Variants in TAFA2 observed in about 807,000 individuals in gnomAD.
TAFA2 encodes the protein TAFA chemokine like family member 2, also known as chemokine-like protein TAFA-2.
TAFA2 carries 7 observed loss-of-function variants against 18.8 expected under a neutral mutation model. The observed-to-expected ratio is 0.37, with a 90% CI of 0.21 to 0.70. The LOEUF is 0.70. TAFA2 is among the 30% of genes least tolerant of loss of function. The pLI is 0.53. For missense variants in TAFA2, 122 were observed against 158.1 expected (o/e 0.77, Z 1.23); for synonymous variants, 60 against 54.2 (o/e 1.11, Z -0.47).
At chr12:62,161,361 A>G (rs2062405727) in intron 1 of TAFA2, among the ~76,000 whole-genome samples, 1 of 152,228 alleles carries the variant, frequency 6.6e-6, no homozygotes, top group Admixed American at 6.5e-5. Flanking sequence ...ATAATGGAAT[A>G]CTATTCAGCC....
At chr12:62,033,257 T>C (rs1341783025) in intron 1 of TAFA2, among the ~76,000 whole-genome samples, 1 of 152,210 alleles carries the variant, frequency 6.6e-6, no homozygotes, top group Non-Finnish European at 1.5e-5. Context: ...TTATGGGGCT[T>C]TTTCATGAAC....
intron 2 of TAFA2, among the ~76,000 whole-genome samples, chr12:61,786,782 A>C (rs192657584): frequency 1.3e-5 from 2 of 151,594 alleles, no homozygotes; most frequent in Non-Finnish European, 3.0e-5. Flanking sequence ...TACGTGAAAG[A>C]GTATAATATT....
chr12:61,841,270 A>C (rs1289845630), intron 2 of TAFA2, among the ~76,000 whole-genome samples: 2 of 152,148 alleles, frequency 1.3e-5, no homozygotes, highest in Non-Finnish European at 2.9e-5. Context: ...AACAGTGAAA[A>C]TGGGACTTCT....
intron 1 of TAFA2, among the ~76,000 whole-genome samples, chr12:62,093,723 G>T (rs958621008): frequency 2.6e-5 from 4 of 151,990 alleles, no homozygotes; most frequent in African/African-American, 7.2e-5. Context: ...AGCCTACATT[G>T]CACTCTTTAT....
At chr12:61,984,652 A>T (rs1359244307) in intron 1 of TAFA2, among the ~76,000 whole-genome samples, 1 of 152,206 alleles carries the variant, frequency 6.6e-6, no homozygotes, top group Non-Finnish European at 1.5e-5. Flanking sequence ...TACATGGGAT[A>T]TTATTCAGAT....
upstream of TAFA2, among the ~76,000 whole-genome samples, chr12:62,196,176 T>C (rs779508325): frequency 2.7e-4 from 41 of 152,234 alleles, no homozygotes; most frequent in Non-Finnish European, 4.6e-4. Flanking sequence ...TCAGCCTTTA[T>C]AGAATTGAAG....
intron 2 of TAFA2, among the ~76,000 whole-genome samples, chr12:61,787,351 A>G (rs1023619935): frequency 2.6e-5 from 4 of 151,598 alleles, no homozygotes; most frequent in Admixed American, 1.3e-4. Context: ...AATTACTATC[A>G]TAAAAACATA....
intron 1 of TAFA2, among the ~76,000 whole-genome samples, chr12:62,030,544 C>T (rs1881429918): frequency 6.6e-6 from 1 of 152,136 alleles, no homozygotes; most frequent in African/African-American, 2.4e-5. Context: ...CTATTCTACT[C>T]CCAAGCCTAG....
At position 61,753,680 on chromosome 12, in the gene TAFA2, A is replaced by T; in HGVS notation, c.326T>A (p.Val109Asp). The T allele has an allele frequency of 6.2e-7, 1 of 1,612,736 alleles. No individual in the cohort carries two copies. Among genetic ancestry groups the T allele is most frequent in the Non-Finnish European group, 8.5e-7 (1 of 1,179,152 alleles). ...GCTCCATCCTTTCCGATCCGGAAGA[A>T]CTTTACATTCTTCTCCCTCTAGACA... Reference protein sequence around the residue: ...QPCLEGEECKVLPDRKGWSCS... With the variant: ...QPCLEGEECKDLPDRKGWSCS... Residue 109 changes from valine (V) to aspartate (D), a missense_variant, in exon 4 of 5, where the codon GTT becomes GAT. By Grantham distance (152) the Val-to-Asp change is radical. Coordinates refer to ENST00000416284, the MANE Select transcript of TAFA2 (RefSeq NM_178539.5).
chr12:62,037,628 C>T (rs973031444), intron 1 of TAFA2, among the ~76,000 whole-genome samples: 11 of 152,156 alleles, frequency 7.2e-5, no homozygotes, highest in Non-Finnish European at 1.3e-4. Context: ...GAATAAAACT[C>T]ATCGGAGATA....
chr12:62,047,210 G>C (rs75721557), intron 1 of TAFA2, among the ~76,000 whole-genome samples: 10,417 of 152,122 alleles, frequency 0.068, 461 homozygotes, highest in Non-Finnish European at 0.11. Context: ...AGATCTATGA[G>C]ACAGAAATAA....
chr12:61,763,416 G>T (rs1316061061), intron 2 of TAFA2, among the ~76,000 whole-genome samples: 2 of 151,914 alleles, frequency 1.3e-5, no homozygotes, highest in African/African-American at 4.8e-5. Context: ...AAAACAAAGG[G>T]AGATTCACTC....
intron 1 of TAFA2, among the ~76,000 whole-genome samples, chr12:61,990,939 A>G (rs1418419969): frequency 6.6e-6 from 1 of 152,234 alleles, no homozygotes; most frequent in Non-Finnish European, 1.5e-5. Context: ...TGGAGAATGA[A>G]TGGAAATGGA....
chr12:62,063,460 T>C (rs967727397), intron 1 of TAFA2, among the ~76,000 whole-genome samples: 2 of 152,204 alleles, frequency 1.3e-5, no homozygotes, highest in Non-Finnish European at 2.9e-5. Flanking sequence ...ATGTATTCTA[T>C]ATATAGTTTG....
Position 61,754,927 on chromosome 12 carries a change from G to C in TAFA2, c.204C>G (p.Ser68=). The C allele has an allele frequency of 6.2e-7, 1 of 1,613,000 alleles. No individual in the cohort carries two copies. The highest frequency in any genetic ancestry group is 1.3e-5 in the African/African-American group (1 of 74,958). ...TGCCTGCCACCTGCCCAGGGAAGCAGGAGCACTTGACTGTTTGTGACCGTT... is the reference window on the plus strand; with the variant it reads ...TGCCTGCCACCTGCCCAGGGAAGCACGAGCACTTGACTGTTTGTGACCGTT... ...IEERSQTVKC[S]CFPGQVAGTT... is the part of the protein sequence containing the mutation. The change falls in exon 3 of 5, where the codon TCC becomes TCG. Residue 68 remains serine, a synonymous_variant. Transcript: ENST00000416284.
intron 2 of TAFA2, among the ~76,000 whole-genome samples, chr12:61,798,072 A>G (rs1174900185): frequency 6.6e-6 from 1 of 152,230 alleles, no homozygotes; most frequent in African/African-American, 2.4e-5. Flanking sequence ...CACCATATAG[A>G]TGCTGATTGG....
intron 2 of TAFA2, 55 bp from the exon 3 acceptor site, chr12:61,755,079 C>T: frequency 1.3e-6 from 2 of 1,573,478 alleles, no homozygotes; most frequent in Admixed American, 1.7e-5. Flanking sequence ...CACTTCCCCC[C>T]ACCCTTCTTT....
chr12:62,044,144 T>TAA (rs34283857), intron 1 of TAFA2, among the ~76,000 whole-genome samples: 1 of 146,584 alleles, frequency 6.8e-6, no homozygotes, highest in African/African-American at 2.5e-5. Flanking sequence ...CAGTGGGTGT[T>TAA]AAAAAAAAAA....
intron 1 of TAFA2, among the ~76,000 whole-genome samples, chr12:61,888,026 T>C (rs1409928254): frequency 1.3e-5 from 2 of 151,638 alleles, no homozygotes; most frequent in Non-Finnish European, 2.9e-5. Flanking sequence ...AAAACCACAA[T>C]GAGATACCAT....
Sources: allele counts gnomAD v4.1 joint callset (sites outside exome capture counted in the v4.1 genomes callset), GRCh38; gene constraint gnomAD v4.1.1; transcripts MANE v1.5; gene names NCBI Gene and HGNC (gene_info 2026-07-23, HGNC 2026-07-21).